NFATC2: variants seen among roughly 807,000 people sequenced by gnomAD.
NFATC2 encodes the protein nuclear factor of activated T-cells, cytoplasmic 2.
NFATC2 carries 22 observed loss-of-function variants against 87.3 expected under a neutral mutation model. The observed-to-expected ratio is 0.25, with a 90% CI of 0.18 to 0.36. The LOEUF is 0.36. Ranked by LOEUF, NFATC2 falls within the 10% of genes least tolerant of loss-of-function variation. NFATC2 has a pLI of 1.00. For synonymous variants in NFATC2, 565 were observed against 542.2 expected (o/e 1.04, Z -0.58); for missense variants, 1,149 against 1,259.1 (o/e 0.91, Z 1.32).
chr20:51,429,675 T>C lies in NFATC2; in HGVS notation c.2722+2392A>G, dbSNP rs572724569. Among the ~76,000 whole-genome samples the C allele has an allele frequency of 3.9e-5, 6 of 152,310 alleles. No individual in the cohort carries two copies. The East Asian group carries it at 1.2e-3, about 29-fold the overall frequency. Reference sequence around the variant, plus strand: ...GCTACACCCCCGCATTTTAGAGACTTATAATGTCCGCTAGCAGGATAAAGA... The same window carrying C: ...GCTACACCCCCGCATTTTAGAGACTCATAATGTCCGCTAGCAGGATAAAGA... On this transcript the variant is annotated intron_variant, in intron 9 of 10. Coordinates refer to ENST00000371564, the MANE Select transcript of NFATC2 (RefSeq NM_012340.5).
At chr20:51,503,088 A>T (rs2076117125) in intron 3 of NFATC2, among the ~76,000 whole-genome samples, 1 of 152,208 alleles carries the variant, frequency 6.6e-6, no homozygotes, top group Non-Finnish European at 1.5e-5. Flanking sequence ...TACAACCTCA[A>T]GCACAAACAC....
intron 9 of NFATC2, among the ~76,000 whole-genome samples, chr20:51,399,416 T>C (rs766025117): frequency 2.0e-5 from 3 of 152,262 alleles, no homozygotes; most frequent in Non-Finnish European, 4.4e-5. Flanking sequence ...CCATTCCAAA[T>C]GCCTGATTTA....
chr20:51,409,489 C>A (rs949545795), intron 9 of NFATC2, among the ~76,000 whole-genome samples: 1 of 152,148 alleles, frequency 6.6e-6, no homozygotes, highest in African/African-American at 2.4e-5. Context: ...TTCAGGGTAG[C>A]AATTATGCTA....
intron 1 of NFATC2, among the ~76,000 whole-genome samples, chr20:51,540,878 G>T (rs1203155509): frequency 1.3e-5 from 2 of 151,988 alleles, no homozygotes; most frequent in African/African-American, 4.8e-5. Flanking sequence ...TTCGTTCCCT[G>T]AAAAACATGA....
At chr20:51,430,021 G>A (rs1296854462) in intron 9 of NFATC2, among the ~76,000 whole-genome samples, 1 of 152,106 alleles carries the variant, frequency 6.6e-6, no homozygotes, top group Non-Finnish European at 1.5e-5. Context: ...AGCTTCTTTG[G>A]AAACGGCAAG....
intron 5 of NFATC2, among the ~76,000 whole-genome samples, chr20:51,459,097 A>G (rs965919617): frequency 6.6e-6 from 1 of 152,232 alleles, no homozygotes; most frequent in Admixed American, 6.5e-5. Flanking sequence ...AAGACCCTGC[A>G]TATGACTATA....
At chr20:51,456,355 G>C (rs979860904) in intron 5 of NFATC2, among the ~76,000 whole-genome samples, 2 of 152,032 alleles carry the variant, frequency 1.3e-5, no homozygotes, top group Non-Finnish European at 2.9e-5. Flanking sequence ...CATTTGACTG[G>C]GGAGAAAACC....
chr20:51,532,687 C>T (rs1269819362), intron 1 of NFATC2, among the ~76,000 whole-genome samples: 2 of 152,240 alleles, frequency 1.3e-5, no homozygotes, highest in Non-Finnish European at 2.9e-5. Context: ...AGCGCCAACC[C>T]GCCAGCCAAC....
At chr20:51,417,290 C>T (rs1407290749) in intron 9 of NFATC2, among the ~76,000 whole-genome samples, 3 of 152,162 alleles carry the variant, frequency 2.0e-5, no homozygotes, top group Admixed American at 2.0e-4. Context: ...AAACTTCAAC[C>T]TTCCACCTGC....
intron 3 of NFATC2, among the ~76,000 whole-genome samples, chr20:51,483,118 GCAGC>G (rs1989404954): frequency 6.6e-6 from 1 of 152,160 alleles, no homozygotes; most frequent in African/African-American, 2.4e-5. Flanking sequence ...GTGGATCCCT[GCAGC>G]CAGGTGCGCA....
intron 4 of NFATC2, among the ~76,000 whole-genome samples, chr20:51,474,469 C>T (rs562758404): frequency 3.4e-4 from 52 of 152,248 alleles, no homozygotes; most frequent in African/African-American, 1.2e-3. Flanking sequence ...AGTGAATCAA[C>T]GTGAAATCTC....
At chr20:51,397,050 G>C in intron 10 of NFATC2, among the ~76,000 whole-genome samples, 2 of 21,740 alleles carry the variant, frequency 9.2e-5, no homozygotes, top group Admixed American at 3.9e-4. Flanking sequence ...TGCCACCATG[G>C]CCCGGCTAAT....
intron 5 of NFATC2, among the ~76,000 whole-genome samples, chr20:51,456,240 T>C (rs1986528865): frequency 6.6e-6 from 1 of 152,138 alleles, no homozygotes; most frequent in South Asian, 2.1e-4. Context: ...CTTTAATAAA[T>C]GAAAAATGGA....
chr20:51,543,164 C>T (rs560640772), upstream of NFATC2, among the ~76,000 whole-genome samples: 14 of 152,300 alleles, frequency 9.2e-5, no homozygotes, highest in East Asian at 1.4e-3. Context: ...ACTTCAGACA[C>T]CTGCATGGCC....
intron 10 of NFATC2, among the ~76,000 whole-genome samples, chr20:51,395,376 AT>A (rs1192009802): frequency 6.6e-6 from 1 of 152,026 alleles, no homozygotes; most frequent in Non-Finnish European, 1.5e-5. Context: ...TCTTTTGGGG[AT>A]CCCAGAATCC....
intron 6 of NFATC2, among the ~76,000 whole-genome samples, chr20:51,453,233 G>T (rs114416408): frequency 0.019 from 2,850 of 152,370 alleles, 45 homozygotes; most frequent in Non-Finnish European, 0.028. Context: ...AGGATGATTT[G>T]TGCGAGACTG....
At chr20:51,395,426 A>G (rs1247395490) in intron 10 of NFATC2, among the ~76,000 whole-genome samples, 1 of 149,758 alleles carries the variant, frequency 6.7e-6, no homozygotes, top group East Asian at 1.9e-4. Context: ...CGGCTATGGC[A>G]GACTCTGCTT....
intron 3 of NFATC2, among the ~76,000 whole-genome samples, chr20:51,489,874 G>C (rs2075853047): frequency 6.6e-6 from 1 of 152,208 alleles, no homozygotes; most frequent in African/African-American, 2.4e-5. Flanking sequence ...CAAGAGGAGA[G>C]GTGAAGTGGG....
At chr20:51,495,064 G>T (rs1471500106) in intron 3 of NFATC2, among the ~76,000 whole-genome samples, 1 of 152,130 alleles carries the variant, frequency 6.6e-6, no homozygotes, top group Non-Finnish European at 1.5e-5. Flanking sequence ...AGCAGAGCCA[G>T]AATCCCAGCT....
Sources: gnomAD v4.1 joint callset for allele counts (sites outside exome capture counted in the v4.1 genomes callset) on GRCh38, gnomAD v4.1.1 for gene constraint, MANE v1.5 for transcripts, NCBI Gene and HGNC (gene_info 2026-07-23, HGNC 2026-07-21) for gene names.